Variants in TRPC4 observed in about 807,000 individuals in gnomAD.
The protein encoded by TRPC4 is transient receptor potential cation channel subfamily C member 4, also known as short transient receptor potential channel 4.
TRPC4 carries 49 observed loss-of-function variants against 99.4 expected under a neutral mutation model. The ratio of observed to expected loss-of-function variants is 0.49; its 90% confidence interval spans 0.39 to 0.63. TRPC4 has a LOEUF of 0.63. Ranked by LOEUF, TRPC4 falls within the 20% of genes least tolerant of loss-of-function variation. The pLI is 0.00. For synonymous variants in TRPC4, 454 were observed against 425.9 expected (o/e 1.07, Z -0.81); for missense variants, 898 against 1,152.9 (o/e 0.78, Z 3.20).
chr13:37,719,883 T>C (rs987472483), intron 3 of TRPC4, among the ~76,000 whole-genome samples: 10 of 152,202 alleles, frequency 6.6e-5, no homozygotes, highest in Non-Finnish European at 1.5e-4. Flanking sequence ...CATTAAAATA[T>C]GTTTTAATGT....
rs2138675190 is a variant in TRPC4, at chr13:37,660,998, T to C, written c.1688+2418A>G. ...TGTTAAGGGCTATTGATATATACTT[T>C]AGTTTTTCAATATCTTGAAGCAAAA... On this transcript the variant is annotated intron_variant, in intron 6 of 10. Coordinates refer to ENST00000379705, the MANE Select transcript of TRPC4 (RefSeq NM_016179.4). 2.0e-5 allele frequency among the ~76,000 whole-genome samples: 3 copies of C among 152,294 alleles called. No homozygotes were observed. In the Middle Eastern group the frequency reaches 0.01, roughly 518 times the overall value.
Position 37,706,709 on chromosome 13 carries a change from A to G in TRPC4, c.898-14374T>C, listed in dbSNP as rs145907555. Among the ~76,000 whole-genome samples the G allele has an allele frequency of 2.0e-5, 3 of 147,236 alleles. No homozygotes were observed. In the Admixed American group the frequency reaches 2.1e-4, roughly 10 times the overall value. On this transcript the variant is annotated intron_variant, in intron 3 of 10. Coordinates refer to ENST00000379705, the MANE Select transcript of TRPC4 (RefSeq NM_016179.4). ...TGTTCTCATTGTTCAATTCCCACCTATGAGTGAGAACATGCGGTGTTTGGT... is the reference window on the plus strand; with the variant it reads ...TGTTCTCATTGTTCAATTCCCACCTGTGAGTGAGAACATGCGGTGTTTGGT...
At chr13:37,866,125 A>G (rs556336733) in intron 1 of TRPC4, among the ~76,000 whole-genome samples, 18 of 151,928 alleles carry the variant, frequency 1.2e-4, no homozygotes, top group Admixed American at 3.3e-4. Context: ...TATCTGATTC[A>G]TTTAATTTCA....
At chr13:37,649,236 T>C (rs1228724475) in intron 8 of TRPC4, among the ~76,000 whole-genome samples, 2 of 152,154 alleles carry the variant, frequency 1.3e-5, no homozygotes, top group African/African-American at 2.4e-5. Flanking sequence ...GCATTAATTA[T>C]TTCTTGCATT....
intron 2 of TRPC4, among the ~76,000 whole-genome samples, chr13:37,765,283 A>T (rs1593691252): frequency 6.6e-6 from 1 of 151,520 alleles, no homozygotes. Flanking sequence ...ACCTATGAGA[A>T]TGAACACTAG....
At chr13:37,828,753 C>T (rs989414945) in intron 1 of TRPC4, among the ~76,000 whole-genome samples, 1 of 152,188 alleles carries the variant, frequency 6.6e-6, no homozygotes, top group African/African-American at 2.4e-5. Flanking sequence ...AATACCACAT[C>T]TTCTCCCTTG....
chr13:37,667,073 C>T (rs1352366373), intron 5 of TRPC4, among the ~76,000 whole-genome samples: 1 of 152,192 alleles, frequency 6.6e-6, no homozygotes, highest in Non-Finnish European at 1.5e-5. Flanking sequence ...TTTACCCCTT[C>T]TGATCTTATG....
chr13:37,778,237 TG>T (rs2139326409), intron 2 of TRPC4, among the ~76,000 whole-genome samples: 1 of 152,006 alleles, frequency 6.6e-6, no homozygotes, highest in East Asian at 1.9e-4. Context: ...GGTATTTCCT[TG>T]CTTTGTGATC....
chr13:37,701,591 C>T (rs1191816244), intron 3 of TRPC4, among the ~76,000 whole-genome samples: 1 of 152,086 alleles, frequency 6.6e-6, no homozygotes, highest in East Asian at 1.9e-4. Flanking sequence ...TTCATGCTAG[C>T]TTCCTGAGAA....
intron 2 of TRPC4, among the ~76,000 whole-genome samples, chr13:37,760,941 C>A (rs1466916558): frequency 6.6e-6 from 1 of 151,844 alleles, no homozygotes; most frequent in Non-Finnish European, 1.5e-5. Flanking sequence ...TATTGGAAGC[C>A]TATTTTCTGT....
At chr13:37,774,968 T>C (rs1956657553) in intron 2 of TRPC4, among the ~76,000 whole-genome samples, 1 of 7,616 alleles carries the variant, frequency 1.3e-4, no homozygotes, top group Admixed American at 3.5e-3. Flanking sequence ...TTCAGTATTA[T>C]GGTTAATGAA....
intron 2 of TRPC4, among the ~76,000 whole-genome samples, chr13:37,755,796 G>A (rs551387340): frequency 2.0e-5 from 3 of 152,182 alleles, no homozygotes; most frequent in Middle Eastern, 3.4e-3. Flanking sequence ...CTTGTAACAC[G>A]AAACTTCTGT....
intron 6 of TRPC4, 33 bp downstream of exon 6, chr13:37,663,380 TACA>T: frequency 1.3e-6 from 2 of 1,570,604 alleles, no homozygotes; most frequent in South Asian, 1.2e-5. Context: ...CTAAATGCTG[TACA>T]ACATTACCAG....
chr13:37,642,595 T>C (rs768673229), intron 8 of TRPC4, among the ~76,000 whole-genome samples: 1 of 152,072 alleles, frequency 6.6e-6, no homozygotes, highest in East Asian at 1.9e-4. Flanking sequence ...ATGCAAGATA[T>C]TGGGAAAGCT....
chr13:37,787,981 C>T (rs1957014093), intron 1 of TRPC4, among the ~76,000 whole-genome samples: 2 of 152,034 alleles, frequency 1.3e-5, no homozygotes, highest in South Asian at 4.1e-4. Context: ...ATGGTATAGG[C>T]AGGGCAAACA....
chr13:37,718,683 A>G (rs1954757845), intron 3 of TRPC4, among the ~76,000 whole-genome samples: 1 of 152,174 alleles, frequency 6.6e-6, no homozygotes, highest in Admixed American at 6.5e-5. Context: ...ATGACAGAGG[A>G]AAGAGTAAGA....
At chr13:37,847,914 C>T (rs1344809698) in intron 1 of TRPC4, among the ~76,000 whole-genome samples, 4 of 151,986 alleles carry the variant, frequency 2.6e-5, no homozygotes, top group African/African-American at 9.7e-5. Context: ...GGTGACCAAA[C>T]AGTACAAAGT....
chr13:37,779,694 C>T (rs1956790154), intron 2 of TRPC4, among the ~76,000 whole-genome samples: 1 of 151,950 alleles, frequency 6.6e-6, no homozygotes, highest in South Asian at 2.1e-4. Flanking sequence ...ACATAACAAT[C>T]CCAGACCCCA....
intron 1 of TRPC4, among the ~76,000 whole-genome samples, chr13:37,825,005 G>C (rs1004057754): frequency 6.6e-6 from 1 of 151,978 alleles, no homozygotes; most frequent in African/African-American, 2.4e-5. Context: ...TCTTGGGAGA[G>C]TGTATGTGTC....
Sources: gnomAD v4.1 joint callset for allele counts (sites outside exome capture counted in the v4.1 genomes callset) on GRCh38, gnomAD v4.1.1 for gene constraint, MANE v1.5 for transcripts, NCBI Gene and HGNC (gene_info 2026-07-23, HGNC 2026-07-21) for gene names.